ANKIB1: variants seen among roughly 807,000 people sequenced by gnomAD.
ANKIB1 encodes ankyrin repeat and IBR domain containing 1.
ANKIB1 carries 43 observed loss-of-function variants against 122.1 expected under a neutral mutation model. That is an observed-to-expected ratio of 0.35 (90% confidence interval 0.28 to 0.45). ANKIB1 has a LOEUF of 0.45. Among genes scored for constraint, ANKIB1 ranks in the 20% least tolerant of loss-of-function variants. The pLI is 1.00. For synonymous variants in ANKIB1, 390 were observed against 442.0 expected (o/e 0.88, Z 1.48); for missense variants, 992 against 1,329.5 (o/e 0.75, Z 3.95).
chr7:92,354,899 A>G (rs1447866430), intron 9 of ANKIB1, among the ~76,000 whole-genome samples: 1 of 152,232 alleles, frequency 6.6e-6, no homozygotes, highest in Non-Finnish European at 1.5e-5. Context: ...CCTTCTTCAA[A>G]ATCTCAGAAG....
chr7:92,309,741 A>G (rs892693162), intron 3 of ANKIB1, among the ~76,000 whole-genome samples: 15 of 151,320 alleles, frequency 9.9e-5, no homozygotes, highest in African/African-American at 3.6e-4. Context: ...CCTGGCCAAT[A>G]TGGTGAAACC....
chr7:92,397,963 C>A, intron 19 of ANKIB1, 104 bp downstream of exon 19: 1 of 1,430,160 alleles, frequency 7.0e-7, no homozygotes, highest in Non-Finnish European at 9.4e-7. Context: ...TCCTTCCATT[C>A]TAAAATCTTT....
At chr7:92,376,865 C>T (rs1804393671) in intron 11 of ANKIB1, among the ~76,000 whole-genome samples, 1 of 152,188 alleles carries the variant, frequency 6.6e-6, no homozygotes, top group Non-Finnish European at 1.5e-5. Context: ...CTTCATAGAA[C>T]TGAAAAGAGC....
chr7:92,358,195 T>G (rs939236522), intron 9 of ANKIB1, among the ~76,000 whole-genome samples: 2 of 152,174 alleles, frequency 1.3e-5, no homozygotes, highest in African/African-American at 4.8e-5. Flanking sequence ...TGAGCAGAGA[T>G]CGTGCCATTG....
At chr7:92,282,743 A>G (rs1333354414) in intron 1 of ANKIB1, among the ~76,000 whole-genome samples, 1 of 152,330 alleles carries the variant, frequency 6.6e-6, no homozygotes, top group East Asian at 1.9e-4. Flanking sequence ...AGTATAACAC[A>G]ACATTTTGAG....
intron 5 of ANKIB1, among the ~76,000 whole-genome samples, chr7:92,338,911 CAAAA>C (rs1184392588): frequency 1.2e-3 from 26 of 21,162 alleles, no homozygotes; most frequent in African/African-American, 4.2e-3. Flanking sequence ...GACTCCATCT[CAAAA>C]AAAAAAAAAA....
chr7:92,328,059 C>T lies in ANKIB1; in HGVS notation c.787+159C>T, dbSNP rs563859914. ...CAGTTGTTACTTCTATACTCAGTTC[C>T]TCATAACATCTTGTATTTTGAAGTA... On this transcript the variant is annotated intron_variant, in intron 5 of 19. Coordinates refer to ENST00000265742, the MANE Select transcript of ANKIB1 (RefSeq NM_019004.2). Among the ~76,000 whole-genome samples the T allele has an allele frequency of 1.1e-4, 16 of 152,276 alleles. No homozygotes were observed. The South Asian group carries it at 3.1e-3, about 30-fold the overall frequency.
chr7:92,352,403 T>C (rs1432477058), intron 8 of ANKIB1, 73 bp from the exon 9 acceptor site: 41 of 1,437,692 alleles, frequency 2.9e-5, no homozygotes, highest in Non-Finnish European at 3.8e-5. Context: ...TAAATTACCA[T>C]AGAGGTACAC....
chr7:92,307,887 C>T (rs932387853), intron 3 of ANKIB1, among the ~76,000 whole-genome samples: 1 of 134,700 alleles, frequency 7.4e-6, no homozygotes, highest in African/African-American at 2.8e-5. Flanking sequence ...GATCTTGGCT[C>T]ACTACAACCT....
chr7:92,286,667 T>G (rs1585088877), intron 1 of ANKIB1, among the ~76,000 whole-genome samples: 1 of 151,946 alleles, frequency 6.6e-6, no homozygotes. Flanking sequence ...TTAGTAGAGA[T>G]GGGGTTTCAC....
intron 11 of ANKIB1, among the ~76,000 whole-genome samples, chr7:92,385,367 G>A (rs554645794): frequency 2.0e-5 from 3 of 152,060 alleles, no homozygotes; most frequent in African/African-American, 7.2e-5. Context: ...TTGATCCAGC[G>A]ATCCCATTAC....
chr7:92,302,364 T>C (rs189690562), intron 2 of ANKIB1, among the ~76,000 whole-genome samples: 1 of 152,338 alleles, frequency 6.6e-6, no homozygotes. Context: ...TTTAGCTATA[T>C]GGTATCTGCA....
intron 6 of ANKIB1, 63 bp from the exon 7 acceptor site, chr7:92,344,915 A>C: frequency 2.1e-6 from 3 of 1,407,816 alleles, no homozygotes; most frequent in Non-Finnish European, 3.0e-6. Flanking sequence ...AAAGTAAACA[A>C]AATGTATTGT....
At chr7:92,349,924 TACTC>T (rs1046571256) in intron 7 of ANKIB1, among the ~76,000 whole-genome samples, 27 of 151,270 alleles carry the variant, frequency 1.8e-4, no homozygotes, top group African/African-American at 6.1e-4. Flanking sequence ...TAATCCCAGC[TACTC>T]ACTCAGGAGG....
intron 19 of ANKIB1, 69 bp from the exon 20 acceptor site, chr7:92,398,143 A>G: frequency 6.8e-7 from 1 of 1,467,582 alleles, no homozygotes. Context: ...GAAGAATGGT[A>G]AACCTGATTG....
chr7:92,283,999 G>C (rs1202123868), intron 1 of ANKIB1, among the ~76,000 whole-genome samples: 3 of 152,120 alleles, frequency 2.0e-5, no homozygotes, highest in African/African-American at 7.2e-5. Flanking sequence ...TCCATCTCCT[G>C]ACCTCGTGAT....
Position 92,400,047 on chromosome 7 carries a change from A to G in ANKIB1, c.*1098A>G, listed in dbSNP as rs1322177657. On this transcript the variant is annotated 3_prime_UTR_variant, in exon 20 of 20. Transcript: ENST00000265742. The stretch of plus-strand genomic sequence containing the variant: ...TGCCTAACCTAAATGGATAGTTGCC[A>G]GTTAAATAAGTGAGTAATTCAAATT... 6.6e-6 allele frequency: 1 copy of G among 152,228 alleles called. No individual in the cohort carries two copies. The highest frequency in any genetic ancestry group is 1.5e-5 in the Non-Finnish European group (1 of 68,036). 9.4% of individuals were successfully genotyped at this position (152,228 alleles called of 1,614,324 possible).
chr7:92,345,138 T>C (rs940817853), intron 7 of ANKIB1, 72 bp downstream of exon 7: 1 of 1,155,668 alleles, frequency 8.7e-7, no homozygotes, highest in Non-Finnish European at 1.3e-6. Context: ...ATTGTTTGCT[T>C]TCAGTATTTA....
At chr7:92,392,439 C>CAAAGA in intron 17 of ANKIB1, 147 bp downstream of exon 17, 1 of 612,940 alleles carries the variant, frequency 1.6e-6, no homozygotes. Flanking sequence ...ACAGAGCCTA[C>CAAAGA]ATTTAGCTAT....
Sources: allele counts gnomAD v4.1 joint callset (sites outside exome capture counted in the v4.1 genomes callset), GRCh38; gene constraint gnomAD v4.1.1; transcripts MANE v1.5; gene names NCBI Gene and HGNC (gene_info 2026-07-23, HGNC 2026-07-21).